SDK1: variants seen among roughly 807,000 people sequenced by gnomAD.
The protein encoded by SDK1 is sidekick cell adhesion molecule 1, also known as protein sidekick-1.
SDK1 carries 157 observed loss-of-function variants against 245.5 expected under a neutral mutation model. That is an observed-to-expected ratio of 0.64 (90% confidence interval 0.56 to 0.73). The LOEUF is 0.73. Ranked by LOEUF, SDK1 falls within the 30% of genes least tolerant of loss-of-function variation. The pLI, the probability that SDK1 is intolerant of heterozygous loss-of-function variation, is 0.00. For missense variants in SDK1, 3,583 were observed against 3,002.3 expected (o/e 1.19, Z -4.52); for synonymous variants, 1,647 against 1,278.5 (o/e 1.29, Z -6.15).
intron 4 of SDK1, among the ~76,000 whole-genome samples, chr7:3,682,945 G>A (rs1225090346): frequency 6.6e-6 from 1 of 152,100 alleles, no homozygotes; most frequent in Admixed American, 6.5e-5. Context: ...TGTTGTCCAG[G>A]CTGGTCTGGA....
chr7:3,347,359 A>G (rs943311276), intron 1 of SDK1, among the ~76,000 whole-genome samples: 7 of 152,078 alleles, frequency 4.6e-5, no homozygotes, highest in African/African-American at 1.4e-4. Flanking sequence ...TATATATGAT[A>G]TGTTGGATAC....
chr7:3,522,513 G>C (rs933205910), intron 1 of SDK1, among the ~76,000 whole-genome samples: 1 of 151,710 alleles, frequency 6.6e-6, no homozygotes, highest in East Asian at 1.9e-4. Context: ...TGGATGCAGG[G>C]TGTTTGTCTT....
At chr7:3,439,394 T>G (rs1455252644) in intron 1 of SDK1, among the ~76,000 whole-genome samples, 1 of 152,198 alleles carries the variant, frequency 6.6e-6, no homozygotes, top group East Asian at 1.9e-4. Flanking sequence ...TAGAGACTAC[T>G]GTTGCGCTCC....
Position 4,266,177 on chromosome 7 carries a change from G to C in SDK1, c.*793G>C. ...CCGAACACAGCACACGGTCAACTCCGCGGGACACGAGGACACGGGACGGCG... is the reference window on the plus strand; with the variant it reads ...CCGAACACAGCACACGGTCAACTCCCCGGGACACGAGGACACGGGACGGCG... On this transcript the variant is annotated 3_prime_UTR_variant, in exon 45 of 45. Coordinates refer to ENST00000404826, the MANE Select transcript of SDK1 (RefSeq NM_152744.4). 1.0e-6 allele frequency: 1 copy of C among 985,480 alleles called. No homozygotes were observed. The highest frequency in any genetic ancestry group is 1.2e-6 in the Non-Finnish European group (1 of 829,942). The allele number at this position is 985,480 out of a possible 1,614,324, so 61.0% of individuals were successfully genotyped here.
chr7:3,748,202 A>G (rs1779679430), intron 4 of SDK1, among the ~76,000 whole-genome samples: 1 of 152,208 alleles, frequency 6.6e-6, no homozygotes, highest in African/African-American at 2.4e-5. Context: ...AATTTTGAAA[A>G]GGAAAAATGA....
intron 1 of SDK1, among the ~76,000 whole-genome samples, chr7:3,558,675 C>A (rs1052225492): frequency 6.6e-5 from 10 of 152,156 alleles, no homozygotes; most frequent in Non-Finnish European, 1.3e-4. Flanking sequence ...GCTGCTGAAG[C>A]CTGTGTCTGA....
chr7:3,621,302 C>T (rs756099550), intron 2 of SDK1, among the ~76,000 whole-genome samples: 7 of 152,160 alleles, frequency 4.6e-5, no homozygotes, highest in Admixed American at 3.3e-4. Flanking sequence ...CTTCAACTTA[C>T]CGGTGTGACT....
At chr7:3,624,672 A>G (rs1412197532) in intron 2 of SDK1, among the ~76,000 whole-genome samples, 1 of 152,198 alleles carries the variant, frequency 6.6e-6, no homozygotes, top group Non-Finnish European at 1.5e-5. Flanking sequence ...AGAATGCCAT[A>G]ATAAGTAACA....
At chr7:4,003,021 C>T (rs1010125350) in intron 14 of SDK1, among the ~76,000 whole-genome samples, 2 of 152,196 alleles carry the variant, frequency 1.3e-5, no homozygotes, top group African/African-American at 4.8e-5. Context: ...GGCATCAGGC[C>T]CCCCAACACT....
intron 22 of SDK1, among the ~76,000 whole-genome samples, chr7:4,088,526 C>G (rs903455392): frequency 6.7e-6 from 1 of 150,158 alleles, no homozygotes; most frequent in Non-Finnish European, 1.5e-5. Flanking sequence ...TAAGATGATT[C>G]TTTTCTGATC....
chr7:3,758,814 G>T (rs989651266), intron 4 of SDK1, among the ~76,000 whole-genome samples: 3 of 152,186 alleles, frequency 2.0e-5, no homozygotes, highest in Non-Finnish European at 4.4e-5. Context: ...AGGCCTCTCA[G>T]TGGACCCAGC....
At chr7:3,521,886 T>C (rs938657296) in intron 1 of SDK1, among the ~76,000 whole-genome samples, 2 of 152,114 alleles carry the variant, frequency 1.3e-5, no homozygotes, top group Non-Finnish European at 2.9e-5. Flanking sequence ...CACCAAGATT[T>C]GAGCGAGATA....
intron 1 of SDK1, among the ~76,000 whole-genome samples, chr7:3,316,651 G>A (rs997835349): frequency 1.3e-5 from 2 of 152,158 alleles, no homozygotes; most frequent in Non-Finnish European, 2.9e-5. Context: ...GAATGCCCTA[G>A]TAGATGTACA....
chr7:4,034,371 CG>C (rs1270571601), intron 17 of SDK1, among the ~76,000 whole-genome samples: 1 of 152,108 alleles, frequency 6.6e-6, no homozygotes, highest in Non-Finnish European at 1.5e-5. Context: ...GCCGACGTCC[CG>C]GTTTTGATGC....
intron 5 of SDK1, among the ~76,000 whole-genome samples, chr7:3,878,631 A>T (rs1406820786): frequency 6.6e-6 from 1 of 152,222 alleles, no homozygotes; most frequent in Non-Finnish European, 1.5e-5. Flanking sequence ...GTGAAATCTT[A>T]AATATCATCT....
intron 1 of SDK1, among the ~76,000 whole-genome samples, chr7:3,562,844 G>C (rs1204543762): frequency 1.3e-5 from 2 of 152,166 alleles, no homozygotes; most frequent in African/African-American, 4.8e-5. Flanking sequence ...TCTATATAAA[G>C]AGCCACACTG....
Position 4,178,594 on chromosome 7 carries a change from C to G in SDK1, c.5098+8C>G. 6.3e-7 allele frequency: 1 copy of G among 1,597,946 alleles called. No homozygotes were observed. Among genetic ancestry groups the G allele is most frequent in the Non-Finnish European group, 8.5e-7 (1 of 1,170,262 alleles). On this transcript the variant is annotated splice_region_variant and intron_variant, in intron 35 of 44. Transcript: ENST00000404826. ...TCTTTGTCGGCGAGGCTGGTAAGCT[C>G]CGTGCACCCCCAACCCCACTGCCAG... is the stretch of plus-strand genomic sequence containing the variant.
intron 32 of SDK1, among the ~76,000 whole-genome samples, chr7:4,162,363 GTTGTTGTTA>G (rs953615535): frequency 1.5e-4 from 18 of 116,372 alleles, no homozygotes; most frequent in African/African-American, 5.3e-4. Flanking sequence ...GGTGGTTGTT[GTTGTTGTTA>G]TTATTATTAT....
intron 5 of SDK1, among the ~76,000 whole-genome samples, chr7:3,874,505 G>A (rs2115138436): frequency 6.6e-6 from 1 of 152,270 alleles, no homozygotes; most frequent in Middle Eastern, 3.4e-3. Flanking sequence ...GCCTGAGGCT[G>A]TAGTCCTGAC....
Sources: allele counts gnomAD v4.1 joint callset (sites outside exome capture counted in the v4.1 genomes callset), GRCh38; gene constraint gnomAD v4.1.1; transcripts MANE v1.5; gene names NCBI Gene and HGNC (gene_info 2026-07-23, HGNC 2026-07-21).